The following PCDHA1 variants were observed in gnomAD, a reference collection of about 807,000 sequenced individuals.
PCDHA1 encodes the protein protocadherin alpha-1.
PCDHA1 carries 42 observed loss-of-function variants against 61.3 expected under a neutral mutation model. That is an observed-to-expected ratio of 0.69 (90% CI 0.54 to 0.89). The LOEUF is 0.89. PCDHA1 is among the 40% of genes least tolerant of loss of function. The pLI is 0.00. For missense variants in PCDHA1, 1,256 were observed against 1,235.3 expected (o/e 1.02, Z -0.25); for synonymous variants, 610 against 553.8 (o/e 1.10, Z -1.43).
At chr5:140,845,448 T>C (rs1375604335) in intron 1 of PCDHA1, among the ~76,000 whole-genome samples, 1 of 149,710 alleles carries the variant, frequency 6.7e-6, no homozygotes, top group Non-Finnish European at 1.5e-5. Context: ...CTGTTTTTCT[T>C]CAACTCTCTG....
intron 1 of PCDHA1, among the ~76,000 whole-genome samples, chr5:140,921,243 G>A (rs2080116903): frequency 6.6e-6 from 1 of 151,726 alleles, no homozygotes; most frequent in Non-Finnish European, 1.5e-5. Flanking sequence ...TTAAGCCACA[G>A]ATCAAAAAGT....
In PCDHA1 at chr5:140,850,172, C is replaced by A. The variant is rs2150470572; in HGVS notation, c.2394+61488C>A. 55 of 1,594,266 alleles carry A rather than the reference C, an allele frequency of 3.4e-5. 7 individuals are homozygous for A. Among genetic ancestry groups the A allele is most frequent in the Non-Finnish European group, 4.5e-5 (52 of 1,167,736 alleles). ...TGCAGGTGTTCGTGCTGGACGAGAA[C>A]GACAATGCGCCGGCGCTGCTGACAC... is the stretch of plus-strand genomic sequence containing the variant. On this transcript the variant is annotated intron_variant, in intron 1 of 3. Transcript: ENST00000504120.
At chr5:140,807,549 T>A (rs782626216) in intron 1 of PCDHA1, 14 of 1,614,068 alleles carry the variant, frequency 8.7e-6, no homozygotes, top group Non-Finnish European at 1.1e-5. Context: ...CATGTGGACG[T>A]GGAGGTGAGG....
In PCDHA1 at chr5:140,969,339, A is replaced by G. The variant is rs1563390643; in HGVS notation, c.2395-9610A>G. On this transcript the variant is annotated intron_variant, in intron 1 of 3. Transcript: ENST00000504120. ...GCTGTTTCTCAAAATGAGGTGAGAC[A>G]GTGGTCAGGGGGTCTTCTACAAACT... 5 of 1,613,830 alleles carry G rather than the reference A, an allele frequency of 3.1e-6. No homozygotes were observed. The South Asian group carries it at 4.4e-5, about 14-fold the overall frequency.
chr5:140,874,487 G>T (rs1194886650), intron 1 of PCDHA1, among the ~76,000 whole-genome samples: 11 of 152,214 alleles, frequency 7.2e-5, no homozygotes, highest in African/African-American at 2.2e-4. Flanking sequence ...GCAAAAGGTT[G>T]ATATCAAGTT....
chr5:140,900,717 A>G (rs2068252980), intron 1 of PCDHA1, among the ~76,000 whole-genome samples: 1 of 152,136 alleles, frequency 6.6e-6, no homozygotes, highest in South Asian at 2.1e-4. Flanking sequence ...AAGAAAGGAA[A>G]TCCTACCTAG....
chr5:140,806,428 A>G (rs1040644619), intron 1 of PCDHA1, among the ~76,000 whole-genome samples: 1 of 152,352 alleles, frequency 6.6e-6, no homozygotes, highest in Middle Eastern at 3.4e-3. Flanking sequence ...ATTATTTGGA[A>G]TGCTTTTCCA....
At chr5:140,822,867 C>T in intron 1 of PCDHA1, 2 of 1,614,242 alleles carry the variant, frequency 1.2e-6, no homozygotes, top group East Asian at 2.2e-5. Flanking sequence ...ACGCTCCACT[C>T]AGCACGGTCA....
chr5:140,870,352 G>C, intron 1 of PCDHA1: 8 of 1,614,226 alleles, frequency 5.0e-6, no homozygotes, highest in Non-Finnish European at 5.9e-6. Context: ...CCGCGAGAAC[G>C]TGTGGGCCTA....
rs1478449575 is a variant in PCDHA1 at position 141,010,392 on chromosome 5, G to A, written c.*455G>A. The stretch of plus-strand genomic sequence containing the variant: ...GCGAGTGCCAGATATTGGCTGAGAC[G>A]AGCCAGCTTAGACTAATTGGTACAA... On this transcript the variant is annotated 3_prime_UTR_variant, in exon 4 of 4. Transcript: ENST00000504120. The A allele has an allele frequency of 8.0e-6, 11 of 1,381,722 alleles. No individual in the cohort carries two copies. The highest frequency in any genetic ancestry group is 7.3e-5 in the African/African-American group (5 of 68,772). The allele number at this position is 1,381,722 out of a possible 1,614,324, so 85.6% of individuals were successfully genotyped here. A position where few individuals can be genotyped will look rare whatever the true frequency, so the allele number is the denominator to read the frequency against.
intron 1 of PCDHA1, chr5:140,968,346 C>T: frequency 6.2e-7 from 1 of 1,614,090 alleles, no homozygotes. Flanking sequence ...ATTAACAGTG[C>T]CAGTGGCAGC....
chr5:140,982,648 G>T, intron 3 of PCDHA1, 85 bp downstream of exon 3: 5 of 1,508,154 alleles, frequency 3.3e-6, no homozygotes, highest in Non-Finnish European at 4.4e-6. Flanking sequence ...GAATGTTGAT[G>T]GCTCTTTTTC....
intron 1 of PCDHA1, among the ~76,000 whole-genome samples, chr5:140,957,730 T>G (rs1044691694): frequency 6.6e-6 from 1 of 152,144 alleles, no homozygotes; most frequent in Non-Finnish European, 1.5e-5. Flanking sequence ...AGCAGAATTA[T>G]ATATACTGAC....
intron 1 of PCDHA1, among the ~76,000 whole-genome samples, chr5:140,962,126 C>T (rs1429316991): frequency 6.6e-6 from 1 of 152,094 alleles, no homozygotes; most frequent in African/African-American, 2.4e-5. Flanking sequence ...ACCTTGGCCT[C>T]GGCCTCCCAA....
rs1554166675 is a variant in PCDHA1 at position 140,873,309 on chromosome 5, T to C, written c.2394+84625T>C. ...TGAAACTTTATAAATATAATAAAGG[T>C]GAATATTAGATAGGGCATACATTAC... On this transcript the variant is annotated intron_variant, in intron 1 of 3. Transcript: ENST00000504120. Among the ~76,000 whole-genome samples, 4 of 152,264 alleles carry C rather than the reference T, an allele frequency of 2.6e-5. No individual in the cohort carries two copies. The East Asian group carries it at 5.8e-4, about 22-fold the overall frequency.
chr5:140,851,523 C>T lies in PCDHA1; in HGVS notation c.2394+62839C>T, dbSNP rs1562479634. The T allele has an allele frequency of 1.1e-5, 10 of 902,364 alleles. 2 individuals are homozygous for T. The highest frequency in any genetic ancestry group is 1.4e-5 in the Non-Finnish European group (10 of 740,586). 55.9% of individuals were successfully genotyped at this position (902,364 alleles called of 1,614,324 possible). A position where few individuals can be genotyped will look rare whatever the true frequency, so the allele number is the denominator to read the frequency against. On this transcript the variant is annotated intron_variant, in intron 1 of 3. Coordinates refer to ENST00000504120, the MANE Select transcript of PCDHA1 (RefSeq NM_018900.4). The stretch of plus-strand genomic sequence containing the variant: ...CTTATATAAAATATGTTTTAAAATG[C>T]CTGACAATGTAGATAATTCAAGAAA...
chr5:140,869,199 C>T, intron 1 of PCDHA1: 1 of 1,614,024 alleles, frequency 6.2e-7, no homozygotes, highest in Non-Finnish European at 8.5e-7. Context: ...GCCAGCTCCA[C>T]TACTCCGTCT....
chr5:140,926,806 C>T, intron 1 of PCDHA1: 1 of 1,456,722 alleles, frequency 6.9e-7, no homozygotes, highest in Non-Finnish European at 9.0e-7. Flanking sequence ...CTCTTCCCCG[C>T]GGCTCGTGCT....
rs2051668710 is a variant in PCDHA1, at chr5:140,870,104, CA to C, written c.2394+81421del. The C allele has an allele frequency of 1.9e-6, 3 of 1,613,930 alleles. No individual in the cohort carries two copies. In the East Asian group the frequency reaches 6.7e-5, roughly 36 times the overall value. On this transcript the variant is annotated intron_variant, in intron 1 of 3. Coordinates refer to ENST00000504120, the MANE Select transcript of PCDHA1 (RefSeq NM_018900.4). ...ACTCCCCCAATGGCAGGTCACTGTACAGTCTGGGTGGAAATCTTGGACACCA... is the reference window on the plus strand; with the variant it reads ...ACTCCCCCAATGGCAGGTCACTGTACGTCTGGGTGGAAATCTTGGACACCA...
Sources: gnomAD v4.1 joint callset for allele counts (sites outside exome capture counted in the v4.1 genomes callset) on GRCh38, gnomAD v4.1.1 for gene constraint, MANE v1.5 for transcripts, NCBI Gene and HGNC (gene_info 2026-07-23, HGNC 2026-07-21) for gene names.